Variants in WLS observed in about 807,000 individuals in gnomAD.
WLS encodes protein wntless homolog.
In WLS, 23 loss-of-function variants were observed where a neutral mutation model predicts 62.8. That is an observed-to-expected ratio of 0.37 (90% confidence interval 0.26 to 0.52). WLS has a LOEUF of 0.52. Among genes scored for constraint, WLS ranks in the 20% least tolerant of loss-of-function variants. WLS has a pLI of 0.92. For missense variants in WLS, 615 were observed against 697.3 expected (o/e 0.88, Z 1.33); for synonymous variants, 246 against 244.1 (o/e 1.01, Z -0.07).
At chr1:68,172,932 G>A (rs1647176373) in intron 2 of WLS, among the ~76,000 whole-genome samples, 1 of 152,172 alleles carries the variant, frequency 6.6e-6, no homozygotes, top group Non-Finnish European at 1.5e-5. Flanking sequence ...GAGTGCTGCA[G>A]CATTTTGCTT....
intron 11 of WLS, among the ~76,000 whole-genome samples, chr1:68,109,243 T>G (rs890216792): frequency 6.6e-6 from 1 of 152,236 alleles, no homozygotes; most frequent in African/African-American, 2.4e-5. Context: ...AAAGTTTCTA[T>G]AGGTGGGTAA....
intron 11 of WLS, among the ~76,000 whole-genome samples, chr1:68,133,096 T>C (rs1646554024): frequency 6.6e-6 from 1 of 152,054 alleles, no homozygotes; most frequent in Non-Finnish European, 1.5e-5. Flanking sequence ...GCAGAAAATA[T>C]AAGTGTTCCT....
chr1:68,192,566 G>T lies in WLS; in HGVS notation c.379+1389C>A, dbSNP rs528654561. ...CACTCCAGCCCAGGCAAAAGAGAAA[G>T]AACCTGTCACACACACAAAAAAAAA... On this transcript the variant is annotated intron_variant, in intron 2 of 11. Coordinates refer to ENST00000262348, the MANE Select transcript of WLS (RefSeq NM_024911.7). Among the ~76,000 whole-genome samples, 24 of 148,942 alleles carry T rather than the reference G, an allele frequency of 1.6e-4. No individual in the cohort carries two copies. In the East Asian group the frequency reaches 3.6e-3, roughly 22 times the overall value.
At position 68,146,019 on chromosome 1, in the gene WLS, G is replaced by A. The variant is rs201000270; in HGVS notation, c.1135-7C>T. On this transcript the variant is annotated splice_region_variant and splice_polypyrimidine_tract_variant and intron_variant, in intron 8 of 11. Coordinates refer to ENST00000262348, the MANE Select transcript of WLS (RefSeq NM_024911.7). ...CCACGATGATGAAGGCCATCTGGTC[G>A]TGTCCAGTAAAGGAAACAACGGGCT... 54 of 1,613,636 alleles carry A rather than the reference G, an allele frequency of 3.3e-5. No individual in the cohort carries two copies. Among genetic ancestry groups the A allele is most frequent in the Admixed American group, 1.0e-4 (6 of 59,980 alleles).
intron 11 of WLS, among the ~76,000 whole-genome samples, chr1:68,103,116 G>C (rs968054589): frequency 6.6e-6 from 1 of 152,018 alleles, no homozygotes; most frequent in African/African-American, 2.4e-5. Context: ...CTCCCACCAG[G>C]GTGCATACCT....
chr1:68,132,988 A>G (rs773043921), intron 11 of WLS, among the ~76,000 whole-genome samples: 23 of 152,196 alleles, frequency 1.5e-4, no homozygotes, highest in Non-Finnish European at 3.2e-4. Flanking sequence ...GAAGACATCC[A>G]GAATGATTCA....
chr1:68,185,829 C>A (rs1233413344), intron 2 of WLS, among the ~76,000 whole-genome samples: 1 of 152,166 alleles, frequency 6.6e-6, no homozygotes, highest in Non-Finnish European at 1.5e-5. Context: ...AGAACCCAGT[C>A]CTTTTGAGTT....
intron 2 of WLS, among the ~76,000 whole-genome samples, chr1:68,193,444 G>GAAAAAAAAA (rs111934768): frequency 1.6e-3 from 57 of 35,632 alleles, no homozygotes; most frequent in African/African-American, 4.0e-3. Context: ...AAAAAAAAAC[G>GAAAAAAAAA]AAAAAAAAAC....
intron 8 of WLS, among the ~76,000 whole-genome samples, chr1:68,146,246 A>G (rs1326057635): frequency 6.6e-6 from 1 of 152,240 alleles, no homozygotes; most frequent in Non-Finnish European, 1.5e-5. Flanking sequence ...GTAAGAAAAG[A>G]AATGGTGTCT....
At chr1:68,204,520 G>A (rs1182024086) in intron 1 of WLS, among the ~76,000 whole-genome samples, 1 of 152,104 alleles carries the variant, frequency 6.6e-6, no homozygotes, top group Non-Finnish European at 1.5e-5. Context: ...TATTAGCCAG[G>A]ATGGTCTCCA....
chr1:68,145,794 G>C, intron 9 of WLS, 75 bp downstream of exon 9: 1 of 1,569,652 alleles, frequency 6.4e-7, no homozygotes, highest in Non-Finnish European at 8.6e-7. Context: ...CTATCTCCAG[G>C]GTGTGTGTGT....
intron 1 of WLS, among the ~76,000 whole-genome samples, chr1:68,229,583 C>T (rs1650319143): frequency 6.6e-6 from 1 of 152,208 alleles, no homozygotes. Flanking sequence ...CGCTTGCCCA[C>T]TTTGTTGCTA....
intron 1 of WLS, among the ~76,000 whole-genome samples, chr1:68,198,026 G>A (rs948689319): frequency 2.0e-5 from 3 of 152,124 alleles, no homozygotes; most frequent in Non-Finnish European, 2.9e-5. Context: ...TGTTTGCTCA[G>A]GTGAAAGCTA....
intron 6 of WLS, among the ~76,000 whole-genome samples, chr1:68,149,143 G>C (rs146234511): frequency 2.4e-4 from 36 of 152,258 alleles, no homozygotes; most frequent in African/African-American, 8.4e-4. Context: ...AACCAGGAAT[G>C]AGTCCCCTTG....
At chr1:68,124,527 C>T (rs949166165), downstream of WLS, among the ~76,000 whole-genome samples, 9 of 146,614 alleles carry the variant, frequency 6.1e-5, no homozygotes, top group African/African-American at 2.2e-4. Flanking sequence ...TTTTCCTAAC[C>T]CAGGGGATAG....
At chr1:68,124,772 G>A (rs1385209659), downstream of WLS, among the ~76,000 whole-genome samples, 1 of 152,230 alleles carries the variant, frequency 6.6e-6, no homozygotes, top group African/African-American at 2.4e-5. Flanking sequence ...GGAAAAGGCA[G>A]GCTAGGGGTG....
At chr1:68,163,121 A>T in intron 2 of WLS, 1 of 1,468,956 alleles carries the variant, frequency 6.8e-7, no homozygotes, top group Non-Finnish European at 9.4e-7. Flanking sequence ...TCTCAGATCA[A>T]AAGGCAAAGC....
intron 5 of WLS, among the ~76,000 whole-genome samples, chr1:68,152,959 C>T (rs1056791662): frequency 1.3e-5 from 2 of 152,208 alleles, no homozygotes; most frequent in African/African-American, 4.8e-5. Context: ...CACGGAATAT[C>T]CCGAAGAGCA....
rs1571034641 is a variant in WLS, at chr1:68,221,610, A to G, written c.106+10584T>C. Among the ~76,000 whole-genome samples, 6 of 152,360 alleles carry G rather than the reference A, an allele frequency of 3.9e-5. No homozygotes were observed. The South Asian group carries it at 1.2e-3, about 32-fold the overall frequency. On this transcript the variant is annotated intron_variant, in intron 1 of 11. Coordinates refer to ENST00000262348, the MANE Select transcript of WLS (RefSeq NM_024911.7). ...CAGATAAAATATATGGGAACTGAGT[A>G]AAAGAAATAGAACCTCAAAAAGGGC...
Sources: gnomAD v4.1 joint callset for allele counts (sites outside exome capture counted in the v4.1 genomes callset) on GRCh38, gnomAD v4.1.1 for gene constraint, MANE v1.5 for transcripts, NCBI Gene and HGNC (gene_info 2026-07-23, HGNC 2026-07-21) for gene names.